Variants in SLC5A10 observed in about 807,000 individuals in gnomAD.
SLC5A10 encodes solute carrier family 5 member 10.
In SLC5A10, 55 loss-of-function variants were observed where a neutral mutation model predicts 68.9. The ratio of observed to expected loss-of-function variants is 0.80; its 90% CI spans 0.64 to 1.00. The LOEUF (loss-of-function observed/expected upper bound fraction) is 1.00. Among genes scored for constraint, SLC5A10 ranks in the 50% least tolerant of loss-of-function variants. SLC5A10 has a pLI of 0.00. For missense variants in SLC5A10, 732 were observed against 819.3 expected (o/e 0.89, Z 1.30); for synonymous variants, 344 against 344.8 (o/e 1.00, Z 0.02).
At chr17:19,019,688 C>G (rs139011881) in intron 12 of SLC5A10, 25 bp from the exon 13 acceptor site, 1 of 1,605,184 alleles carries the variant, frequency 6.2e-7, no homozygotes, top group East Asian at 2.2e-5. Flanking sequence ...CGTAGCCCCA[C>G]ATGCCCTGCC....
chr17:19,016,919 G>A lies in SLC5A10; in HGVS notation c.1241+1720G>A, dbSNP rs146315041. ...GATGCCCTCCTGCCACCCAGTGTGT[G>A]ACACTGGTAGCCCCTGTACCTGCCC... On this transcript the variant is annotated intron_variant, in intron 11 of 14. Coordinates refer to ENST00000395645, the MANE Select transcript of SLC5A10 (RefSeq NM_001042450.4). Among the ~76,000 whole-genome samples, 16 of 152,234 alleles carry A rather than the reference G, an allele frequency of 1.1e-4. No homozygotes were observed. In the East Asian group the frequency reaches 1.7e-3, roughly 17 times the overall value.
intron 11 of SLC5A10, chr17:19,019,157 G>C: frequency 2.2e-6 from 1 of 448,846 alleles, no homozygotes. Flanking sequence ...TCCAAGGGCT[G>C]GCTCCGCAGA....
At chr17:19,005,111 G>A (rs959873999) in intron 9 of SLC5A10, among the ~76,000 whole-genome samples, 1 of 152,294 alleles carries the variant, frequency 6.6e-6, no homozygotes, top group Non-Finnish European at 1.5e-5. Context: ...CGGGAAGTCC[G>A]TGCGGCTGTA....
intron 9 of SLC5A10, among the ~76,000 whole-genome samples, chr17:19,005,566 G>T (rs7218780): frequency 2.6e-5 from 4 of 152,122 alleles, no homozygotes; most frequent in African/African-American, 4.8e-5. Context: ...TACTTGCTCT[G>T]GATCTGGATG....
rs541608537 is a variant in SLC5A10, at chr17:18,955,985, G to A, written c.112-2697G>A. Among the ~76,000 whole-genome samples the A allele has an allele frequency of 2.6e-5, 4 of 152,158 alleles. No individual in the cohort carries two copies. In the South Asian group the frequency reaches 6.2e-4, roughly 24 times the overall value. ...CGAGGTGGGCAGATCACCTGAGGTC[G>A]GGAGTCCAAGACCAGCCTGACCAAC... On this transcript the variant is annotated intron_variant, in intron 1 of 14. Coordinates refer to ENST00000395645, the MANE Select transcript of SLC5A10 (RefSeq NM_001042450.4).
chr17:19,003,452 G>T lies in SLC5A10; in HGVS notation c.983-9958G>T. 1 of 1,461,682 alleles carries T rather than the reference G, an allele frequency of 6.8e-7. No individual in the cohort carries two copies. Among genetic ancestry groups the T allele is most frequent in the Non-Finnish European group, 9.1e-7 (1 of 1,103,482 alleles). The allele number at this position is 1,461,682 out of a possible 1,614,324, so 90.5% of individuals were successfully genotyped here. On this transcript the variant is annotated intron_variant, in intron 9 of 14. Transcript: ENST00000395645. The surrounding 1 kb of genome is among the most constrained non-coding windows in gnomAD (Gnocchi z 4.5). ...TGGGCTCCCGTTTTGGGCTCTGAGT[G>T]AGCCTGTATTGAGAGGGGTCCGGTG...
intron 9 of SLC5A10, among the ~76,000 whole-genome samples, chr17:18,980,048 T>C (rs1597853400): frequency 6.6e-6 from 1 of 151,404 alleles, no homozygotes; most frequent in Non-Finnish European, 1.5e-5. Context: ...AGCGGGAGGG[T>C]GATGTGCACA....
At chr17:18,954,431 C>T (rs1360484175) in intron 1 of SLC5A10, among the ~76,000 whole-genome samples, 1 of 152,186 alleles carries the variant, frequency 6.6e-6, no homozygotes, top group Non-Finnish European at 1.5e-5. Flanking sequence ...GCTGGTGCCC[C>T]TGGAAGTAGG....
intron 9 of SLC5A10, among the ~76,000 whole-genome samples, chr17:19,005,770 C>T (rs2043869651): frequency 6.6e-6 from 1 of 152,168 alleles, no homozygotes; most frequent in African/African-American, 2.4e-5. Flanking sequence ...CCATCACTGA[C>T]CCCTCAAGCA....
chr17:19,016,058 T>C (rs968178812), intron 11 of SLC5A10, among the ~76,000 whole-genome samples: 12 of 152,088 alleles, frequency 7.9e-5, no homozygotes, highest in Admixed American at 3.3e-4. Context: ...ATTCTTTTTT[T>C]TTTTTTTGAG....
intron 8 of SLC5A10, among the ~76,000 whole-genome samples, chr17:18,973,142 G>A (rs2152003861): frequency 6.6e-6 from 1 of 152,346 alleles, no homozygotes; most frequent in South Asian, 2.1e-4. Context: ...GCCGTGGAGG[G>A]CACAGTAGGC....
At chr17:18,969,260 A>G in intron 6 of SLC5A10, 82 bp from the exon 7 acceptor site, 2 of 1,578,562 alleles carry the variant, frequency 1.3e-6, no homozygotes, top group Non-Finnish European at 1.7e-6. Context: ...AAGTGGCCCC[A>G]GCAGGAGCCC....
chr17:19,019,730 G>T lies in SLC5A10; in HGVS notation c.1428G>T (p.Leu476=). 1 of 1,611,284 alleles carries T rather than the reference G, an allele frequency of 6.2e-7. No individual in the cohort carries two copies. The highest frequency in any genetic ancestry group is 8.5e-7 in the Non-Finnish European group (1 of 1,179,618). The change falls in exon 13 of 15, where the codon CTG becomes CTT. Residue 476 remains leucine, a synonymous_variant. Coordinates refer to ENST00000395645, the MANE Select transcript of SLC5A10 (RefSeq NM_001042450.4). ...CTCCCCAGGGGGCCTTCTGGGGCCT[G>T]ATAGCAGGGCTGGTGGTGGGGGCCA... The part of the protein sequence containing the change: ...RANEQGAFWG[L]IAGLVVGATR...
chr17:18,990,321 T>A (rs1379929450), intron 9 of SLC5A10, among the ~76,000 whole-genome samples: 1 of 152,152 alleles, frequency 6.6e-6, no homozygotes, highest in African/African-American at 2.4e-5. Flanking sequence ...GCAGTGGTGT[T>A]GAGACACTGG....
At position 19,021,231 on chromosome 17, in the gene SLC5A10, G is replaced by A. The variant is rs1304927923; in HGVS notation, c.*800G>A. Reference sequence around the variant, plus strand: ...AGAACCTGGGCCTAAACAAACAAGAGCCAGGGCAGCCAGGGTCTCTGCGTG... The same window carrying A: ...AGAACCTGGGCCTAAACAAACAAGAACCAGGGCAGCCAGGGTCTCTGCGTG... On this transcript the variant is annotated 3_prime_UTR_variant, in exon 15 of 15. Transcript: ENST00000395645. The surrounding 1 kb of genome is among the most constrained non-coding windows in gnomAD (Gnocchi z 4.1). The A allele has an allele frequency of 6.6e-6, 1 of 152,302 alleles. No individual in the cohort carries two copies. Among genetic ancestry groups the A allele is most frequent in the Non-Finnish European group, 1.5e-5 (1 of 68,094 alleles). The allele number at this position is 152,302 out of a possible 1,614,324, so 9.4% of individuals were successfully genotyped here. A position where few individuals can be genotyped will look rare whatever the true frequency, so the allele number is the denominator to read the frequency against.
In SLC5A10 at chr17:18,999,001, C is replaced by T. The variant is rs531394913; in HGVS notation, c.983-14409C>T. 2.6e-3 allele frequency among the ~76,000 whole-genome samples: 398 copies of T among 152,348 alleles called. 1 individual carries two copies. The highest frequency in any genetic ancestry group is 8.5e-3 in the African/African-American group (353 of 41,588). ...AGCCTCATGAAAACGCTTTTACTGCCAGGCACGGTGGCTCATGCCTGTAAT... is the reference window on the plus strand; with the variant it reads ...AGCCTCATGAAAACGCTTTTACTGCTAGGCACGGTGGCTCATGCCTGTAAT... On this transcript the variant is annotated intron_variant, in intron 9 of 14. Transcript: ENST00000395645.
In SLC5A10 at chr17:19,003,614, C is replaced by G. The variant is rs773365789; in HGVS notation, c.983-9796C>G. On this transcript the variant is annotated intron_variant, in intron 9 of 14. Coordinates refer to ENST00000395645, the MANE Select transcript of SLC5A10 (RefSeq NM_001042450.4). This position sits in a 1 kb window ranked among gnomAD's most constrained non-coding sequence, Gnocchi z 4.5. ...CATGTAGACGCTAGCCCGGGTCACGCCGCGGTAGGCGATGGTGTCGGGCCA... is the reference window on the plus strand; with the variant it reads ...CATGTAGACGCTAGCCCGGGTCACGGCGCGGTAGGCGATGGTGTCGGGCCA... 41 of 1,611,980 alleles carry G rather than the reference C, an allele frequency of 2.5e-5. No individual in the cohort carries two copies. The highest frequency in any genetic ancestry group is 3.5e-5 in the Non-Finnish European group (41 of 1,179,292).
chr17:19,003,682 C>A lies in SLC5A10; in HGVS notation c.983-9728C>A. ...GGATGGAGCGGTCCGACTTCTGGGG[C>A]CAGTACTCCAGGGAGGGCAGCGGCT... is the stretch of plus-strand genomic sequence containing the variant. On this transcript the variant is annotated intron_variant, in intron 9 of 14. Transcript: ENST00000395645. This position sits in a 1 kb window ranked among gnomAD's most constrained non-coding sequence, Gnocchi z 4.5. 1 of 1,610,474 alleles carries A rather than the reference C, an allele frequency of 6.2e-7. No individual in the cohort carries two copies. The highest frequency in any genetic ancestry group is 8.5e-7 in the Non-Finnish European group (1 of 1,178,660).
intron 9 of SLC5A10, among the ~76,000 whole-genome samples, chr17:19,006,641 T>C (rs1269385819): frequency 6.6e-6 from 1 of 152,234 alleles, no homozygotes; most frequent in African/African-American, 2.4e-5. Flanking sequence ...AGAACTGTTC[T>C]GTCACTACAA....
Sources: gnomAD v4.1 joint callset for allele counts (sites outside exome capture counted in the v4.1 genomes callset) on GRCh38, gnomAD v4.1.1 for gene constraint, Gnocchi (gnomAD v3.1) non-coding constraint, MANE v1.5 for transcripts, NCBI Gene and HGNC (gene_info 2026-07-23, HGNC 2026-07-21) for gene names.